The following MICAL3 variants were observed in gnomAD, a reference collection of about 807,000 sequenced individuals.
MICAL3 encodes the protein microtubule associated monooxygenase, calponin and LIM domain containing 3.
In MICAL3, 62 loss-of-function variants were observed where a neutral mutation model predicts 207.4. The observed-to-expected ratio is 0.30, with a 90% CI of 0.24 to 0.37. The LOEUF is 0.37. Ranked by LOEUF, MICAL3 falls within the 10% of genes least tolerant of loss-of-function variation. The pLI is 1.00. For synonymous variants in MICAL3, 1,077 were observed against 1,069.3 expected (o/e 1.01, Z -0.14); for missense variants, 2,368 against 2,635.6 (o/e 0.90, Z 2.22).
At chr22:18,010,664 C>G (rs1485648362) in intron 1 of MICAL3, among the ~76,000 whole-genome samples, 1 of 152,118 alleles carries the variant, frequency 6.6e-6, no homozygotes, top group African/African-American at 2.4e-5. Flanking sequence ...AGAAAAGGAG[C>G]AGAGTTCCTT....
chr22:17,982,423 T>A (rs995793413), intron 1 of MICAL3, among the ~76,000 whole-genome samples: 1 of 152,206 alleles, frequency 6.6e-6, no homozygotes, highest in African/African-American at 2.4e-5. Context: ...ATGCCTGTAA[T>A]CCCAGCACTT....
At position 17,819,272 on chromosome 22, in the gene MICAL3, C is replaced by A. The variant is rs1244401888; in HGVS notation, c.3532-143G>T. Reference sequence around the variant, plus strand: ...GTCCTTCCAGCTGTTATTAGAACAGCTCCAGGAAAACCCTTTCCACTTTCT... The same window carrying A: ...GTCCTTCCAGCTGTTATTAGAACAGATCCAGGAAAACCCTTTCCACTTTCT... On this transcript the variant is annotated intron_variant, in intron 25 of 31. Coordinates refer to ENST00000441493, the MANE Select transcript of MICAL3 (RefSeq NM_015241.3). 6.0e-6 allele frequency: 5 copies of A among 838,896 alleles called. No homozygotes were observed. The African/African-American group carries it at 8.7e-5, about 15-fold the overall frequency. 52.0% of individuals were successfully genotyped at this position (838,896 alleles called of 1,614,324 possible). A position where few individuals can be genotyped will look rare whatever the true frequency, so the allele number is the denominator to read the frequency against.
chr22:17,849,686 G>GTGTT (rs1925069377), intron 19 of MICAL3, among the ~76,000 whole-genome samples: 2 of 56,186 alleles, frequency 3.6e-5, no homozygotes, highest in Non-Finnish European at 3.5e-5. Context: ...GTGTGTGTGT[G>GTGTT]TATTTTTTTT....
Position 17,810,785 on chromosome 22 carries a change from T to C in MICAL3, c.5474A>G (p.Asn1825Ser). The C allele has an allele frequency of 6.2e-7, 1 of 1,613,918 alleles. No homozygotes were observed. Among genetic ancestry groups the C allele is most frequent in the East Asian group, 2.2e-5 (1 of 44,876 alleles). ...EPRTYTEEEL[N>S]AKLTRRVQKA... ...TTGCACACGCCGGGTCAGCTTGGCA[T>C]TCAGTTCCTCCTCCGTGTAGGTTCT... The change falls in exon 28 of 32, where the codon AAT becomes AGT. Residue 1825 changes from asparagine to serine, a missense_variant. Coordinates refer to ENST00000441493, the MANE Select transcript of MICAL3 (RefSeq NM_015241.3).
At chr22:17,792,508 C>A (rs1569065319) in intron 29 of MICAL3, among the ~76,000 whole-genome samples, 1 of 152,168 alleles carries the variant, frequency 6.6e-6, no homozygotes, top group Non-Finnish European at 1.5e-5. Context: ...GTGTGAGGAA[C>A]ACAGCCTCAG....
chr22:17,818,853 C>G lies in MICAL3; in HGVS notation c.3808G>C (p.Ala1270Pro), dbSNP rs760157423. The change falls in exon 26 of 32, where the codon GCC (alanine) becomes CCC (proline). Residue 1270 changes from alanine (A) to proline (P), a missense_variant. Physicochemically the swap from Ala to Pro is conservative, Grantham distance 27. Transcript: ENST00000441493. ...GACTGGGTAGGGGATGGGACAGTGGCCTCGGTGGAAGGCTGGGGCTGGGAG... is the reference window on the plus strand; with the variant it reads ...GACTGGGTAGGGGATGGGACAGTGGGCTCGGTGGAAGGCTGGGGCTGGGAG... ...ICSQPQPSTE[A>P]TVPSPTQSPI... is the part of the protein sequence containing the mutation. 1.9e-6 allele frequency: 3 copies of G among 1,546,522 alleles called. No homozygotes were observed. The highest frequency in any genetic ancestry group is 2.5e-5 in the South Asian group (2 of 80,902).
chr22:17,929,449 C>T (rs1230751986), intron 1 of MICAL3, among the ~76,000 whole-genome samples: 1 of 151,962 alleles, frequency 6.6e-6, no homozygotes, highest in Non-Finnish European at 1.5e-5. Flanking sequence ...GGTTATTTAA[C>T]TTCCAATTCC....
chr22:17,973,771 A>G (rs946082545), intron 1 of MICAL3, among the ~76,000 whole-genome samples: 5 of 152,152 alleles, frequency 3.3e-5, no homozygotes, highest in Non-Finnish European at 7.3e-5. Context: ...TCTACAAAAA[A>G]TTAGCCAGGC....
chr22:17,838,935 A>T (rs1923690197), intron 20 of MICAL3, among the ~76,000 whole-genome samples: 1 of 144,834 alleles, frequency 6.9e-6, no homozygotes, highest in South Asian at 2.3e-4. Context: ...GACAACATTT[A>T]TAGCTCCTTC....
chr22:17,911,335 GAA>G (rs11312932), intron 1 of MICAL3, among the ~76,000 whole-genome samples: 84 of 146,516 alleles, frequency 5.7e-4, no homozygotes, highest in African/African-American at 1.4e-3. Context: ...TTTAAAAATA[GAA>G]AAAAAAAAAG....
intron 1 of MICAL3, among the ~76,000 whole-genome samples, chr22:17,952,319 C>G (rs1043555844): frequency 6.6e-6 from 1 of 152,208 alleles, no homozygotes; most frequent in Non-Finnish European, 1.5e-5. Context: ...TCCAACACAA[C>G]CTTGTGTTTT....
chr22:17,942,336 G>A (rs1173011905), intron 1 of MICAL3, among the ~76,000 whole-genome samples: 1 of 152,174 alleles, frequency 6.6e-6, no homozygotes, highest in African/African-American at 2.4e-5. Context: ...GGTAAATGGA[G>A]CCCAGCCCCA....
chr22:17,818,425 T>TAGC lies in MICAL3; in HGVS notation c.4233_4235dup (p.Leu1412dup). ...CCCTGCGCTCCTCCTGGGCGCTGCGTAGCTCTCTGTCGGACGGGGACCGGG... is the reference window on the plus strand; with the variant it reads ...CCCTGCGCTCCTCCTGGGCGCTGCGTAGCAGCTCTCTGTCGGACGGGGACCGGG... On this transcript the variant is annotated inframe_insertion, in exon 26 of 32. Transcript: ENST00000441493. The TAGC allele has an allele frequency of 1.9e-6, 3 of 1,612,556 alleles. No individual in the cohort carries two copies. Among genetic ancestry groups the TAGC allele is most frequent in the Non-Finnish European group, 2.5e-6 (3 of 1,179,870 alleles).
At chr22:17,834,231 C>T in intron 20 of MICAL3, 1 of 1,090,140 alleles carries the variant, frequency 9.2e-7, no homozygotes, top group South Asian at 2.1e-5. Flanking sequence ...ATGACACATT[C>T]ATTCATTCAC....
chr22:17,874,876 A>G (rs986775801), intron 16 of MICAL3, among the ~76,000 whole-genome samples: 1 of 152,172 alleles, frequency 6.6e-6, no homozygotes, highest in African/African-American at 2.4e-5. Flanking sequence ...ATATGCTACC[A>G]TGCACATAGG....
intron 19 of MICAL3, chr22:17,861,887 G>A: frequency 6.1e-6 from 6 of 985,468 alleles, no homozygotes; most frequent in Non-Finnish European, 7.2e-6. Context: ...CCGACCTAGA[G>A]TGGTTCTTTG....
chr22:17,895,340 T>C lies in MICAL3; in HGVS notation c.1393A>G (p.Ile465Val). 6.2e-7 allele frequency: 1 copy of C among 1,613,876 alleles called. No individual in the cohort carries two copies. Among genetic ancestry groups the C allele is most frequent in the Non-Finnish European group, 8.5e-7 (1 of 1,179,830 alleles). The part of the protein sequence containing the change: ...NVSKNFSQYS[I>V]DPVTRYPNIN... The stretch of plus-strand genomic sequence containing the variant: ...TTGGGATACCGAGTGACAGGGTCGA[T>C]ACTGTACTGGCTGAAGTTCTTACTC... The change falls in exon 10 of 32, where the codon ATC becomes GTC. Residue 465 changes from isoleucine (I) to valine (V), a missense_variant. Physicochemically the swap from Ile to Val is conservative, Grantham distance 29. Transcript: ENST00000441493.
At chr22:17,936,247 T>G (rs912004327) in intron 1 of MICAL3, among the ~76,000 whole-genome samples, 1 of 152,096 alleles carries the variant, frequency 6.6e-6, no homozygotes, top group Non-Finnish European at 1.5e-5. Flanking sequence ...TATGCAGCCA[T>G]AAAAAGGATG....
chr22:17,988,076 G>A (rs1223311713), intron 1 of MICAL3, among the ~76,000 whole-genome samples: 2 of 152,146 alleles, frequency 1.3e-5, no homozygotes, highest in East Asian at 3.9e-4. Context: ...ACTGCCCCCA[G>A]GGAGACATGG....
Sources: allele counts gnomAD v4.1 joint callset (sites outside exome capture counted in the v4.1 genomes callset), GRCh38; gene constraint gnomAD v4.1.1; transcripts MANE v1.5; gene names NCBI Gene and HGNC (gene_info 2026-07-23, HGNC 2026-07-21).